The following CACNA2D2 variants were observed in gnomAD, a reference collection of about 807,000 sequenced individuals.
The protein encoded by CACNA2D2 is calcium voltage-gated channel auxiliary subunit alpha2delta 2.
Under a neutral mutation model 166.4 loss-of-function variants are expected in CACNA2D2, and 48 were observed. The ratio of observed to expected loss-of-function variants is 0.29; its 90% CI spans 0.23 to 0.37. CACNA2D2 has a LOEUF of 0.37. Ranked by LOEUF, CACNA2D2 falls within the 10% of genes least tolerant of loss-of-function variation. The pLI is 1.00. For synonymous variants in CACNA2D2, 561 were observed against 573.7 expected (o/e 0.98, Z 0.32); for missense variants, 1,122 against 1,433.0 (o/e 0.78, Z 3.50).
intron 21 of CACNA2D2, among the ~76,000 whole-genome samples, 154 bp from the exon 22 acceptor site, chr3:50,374,967 A>G (rs375634251): frequency 2.0e-4 from 31 of 152,074 alleles, no homozygotes; most frequent in African/African-American, 7.2e-4. Context: ...CAGGAGGTTC[A>G]TGGTCTAGGG....
chr3:50,451,788 C>G (rs1173052949), intron 2 of CACNA2D2, among the ~76,000 whole-genome samples: 1 of 152,178 alleles, frequency 6.6e-6, no homozygotes, highest in African/African-American at 2.4e-5. Flanking sequence ...GTGCACCCTT[C>G]AAGCTCACAC....
At position 50,380,185 on chromosome 3, in the gene CACNA2D2, C is replaced by T. The variant is rs587652825; in HGVS notation, c.843-167G>A. Among the ~76,000 whole-genome samples, 3 of 152,354 alleles carry T rather than the reference C, an allele frequency of 2.0e-5. No homozygotes were observed. The East Asian group carries it at 5.8e-4, about 29-fold the overall frequency. On this transcript the variant is annotated intron_variant, in intron 8 of 37. Transcript: ENST00000424201. This position sits in a 1 kb window ranked among gnomAD's most constrained non-coding sequence, Gnocchi z 4.9. ...CACATTTAACGAAACAGACACAGTC[C>T]TTGCCCATGACATGAATGGTCTGGT...
intron 2 of CACNA2D2, 23 bp from the exon 3 acceptor site, chr3:50,434,452 GGTGAGACCAGGTGGTCC>G: frequency 1.3e-6 from 2 of 1,566,432 alleles, no homozygotes; most frequent in Non-Finnish European, 1.8e-6. Flanking sequence ...AGAAGCCAGG[GGTGAGACCAGGTGGTCC>G]CACGTCCTCA....
chr3:50,445,465 T>C (rs1708799998), intron 2 of CACNA2D2, among the ~76,000 whole-genome samples: 1 of 152,248 alleles, frequency 6.6e-6, no homozygotes, highest in African/African-American at 2.4e-5. Flanking sequence ...CAGCACCTCC[T>C]GATGCCATCT....
At chr3:50,404,061 C>T (rs1706572497) in intron 3 of CACNA2D2, among the ~76,000 whole-genome samples, 2 of 152,194 alleles carry the variant, frequency 1.3e-5, no homozygotes, top group South Asian at 4.1e-4. Flanking sequence ...CCATCACAGT[C>T]AAGGGGTCAG....
At chr3:50,410,988 G>A (rs1205751968) in intron 3 of CACNA2D2, among the ~76,000 whole-genome samples, 1 of 152,210 alleles carries the variant, frequency 6.6e-6, no homozygotes, top group African/African-American at 2.4e-5. Flanking sequence ...CTGGGTCCTT[G>A]CTTTTGGTTC....
intron 23 of CACNA2D2, among the ~76,000 whole-genome samples, 171 bp downstream of exon 23, chr3:50,370,149 G>A (rs1462422755): frequency 6.6e-6 from 1 of 152,170 alleles, no homozygotes; most frequent in Non-Finnish European, 1.5e-5. Context: ...TGCCTGGTGC[G>A]GTACATGGCC....
intron 2 of CACNA2D2, among the ~76,000 whole-genome samples, chr3:50,437,560 C>T (rs955823724): frequency 1.3e-5 from 2 of 152,196 alleles, no homozygotes; most frequent in Non-Finnish European, 2.9e-5. Context: ...CCTGAACTTG[C>T]TCCAATTGTT....
At chr3:50,424,451 C>T (rs543372839) in intron 3 of CACNA2D2, among the ~76,000 whole-genome samples, 1 of 152,298 alleles carries the variant, frequency 6.6e-6, no homozygotes, top group East Asian at 1.9e-4. Flanking sequence ...CCAACACACA[C>T]GCACGCGCTC....
In CACNA2D2 at chr3:50,376,209, CTCAGGG is replaced by C; in HGVS notation, c.1627-27_1627-22del. 6.2e-7 allele frequency: 1 copy of C among 1,612,766 alleles called. No homozygotes were observed. ...CCAAGCTGGAGGCACAGATTGGGGG[CTCAGGG>C]TCTGGAGGGATGGGCTGGGGTTCCC... is the stretch of plus-strand genomic sequence containing the variant. On this transcript the variant is annotated intron_variant, in intron 17 of 37. Transcript: ENST00000424201. The surrounding 1 kb of genome is among the most constrained non-coding windows in gnomAD (Gnocchi z 4.3).
At chr3:50,442,507 G>A (rs1389540428) in intron 2 of CACNA2D2, among the ~76,000 whole-genome samples, 1 of 152,158 alleles carries the variant, frequency 6.6e-6, no homozygotes, top group Non-Finnish European at 1.5e-5. Context: ...ATACCACGGA[G>A]ACACCTTCAC....
chr3:50,370,419 GAGGC>G, intron 22 of CACNA2D2, 39 bp from the exon 23 acceptor site: 1 of 1,107,302 alleles, frequency 9.0e-7, no homozygotes. Flanking sequence ...GGGGGCTGGG[GAGGC>G]TGGAGGCCGG....
At chr3:50,433,167 CCT>C (rs1258897003) in intron 3 of CACNA2D2, among the ~76,000 whole-genome samples, 2 of 152,194 alleles carry the variant, frequency 1.3e-5, no homozygotes, top group African/African-American at 4.8e-5. Flanking sequence ...CTTCCCTATC[CCT>C]TCCCTTCCCA....
intron 5 of CACNA2D2, among the ~76,000 whole-genome samples, chr3:50,385,170 G>A (rs1394631832): frequency 6.6e-6 from 1 of 152,212 alleles, no homozygotes; most frequent in African/African-American, 2.4e-5. Flanking sequence ...GCAGGCTTGG[G>A]TGCAGGTGTG....
At chr3:50,464,466 AG>A (rs1709736572) in intron 2 of CACNA2D2, among the ~76,000 whole-genome samples, 1 of 152,184 alleles carries the variant, frequency 6.6e-6, no homozygotes, top group Non-Finnish European at 1.5e-5. Context: ...CTGAGTGGGT[AG>A]CAAAGCCTCA....
chr3:50,392,688 G>A (rs986500679), intron 4 of CACNA2D2, among the ~76,000 whole-genome samples: 6 of 152,226 alleles, frequency 3.9e-5, no homozygotes, highest in African/African-American at 9.6e-5. Context: ...ATAGCCTGAT[G>A]TGTGCAGTGA....
intron 2 of CACNA2D2, among the ~76,000 whole-genome samples, chr3:50,437,059 A>G (rs2106904089): frequency 6.6e-6 from 1 of 152,332 alleles, no homozygotes; most frequent in Middle Eastern, 3.4e-3. Context: ...CATATGCTGG[A>G]TTCTATGTCC....
intron 2 of CACNA2D2, among the ~76,000 whole-genome samples, chr3:50,468,270 C>T (rs899251567): frequency 6.6e-6 from 1 of 152,294 alleles, no homozygotes; most frequent in East Asian, 1.9e-4. Flanking sequence ...CAGACCCTGG[C>T]TACTCTTCAA....
intron 1 of CACNA2D2, among the ~76,000 whole-genome samples, chr3:50,476,490 T>G (rs1035901748): frequency 1.3e-5 from 2 of 152,122 alleles, no homozygotes; most frequent in African/African-American, 4.8e-5. Flanking sequence ...GAGGCTACTT[T>G]TCATTGTGAA....
Sources: gnomAD v4.1 joint callset for allele counts (sites outside exome capture counted in the v4.1 genomes callset) on GRCh38, gnomAD v4.1.1 for gene constraint, Gnocchi (gnomAD v3.1) non-coding constraint, MANE v1.5 for transcripts, NCBI Gene and HGNC (gene_info 2026-07-23, HGNC 2026-07-21) for gene names.